The following TSPAN5 variants were observed in gnomAD, a reference collection of about 807,000 sequenced individuals.
TSPAN5 encodes tetraspanin-5.
In TSPAN5, 10 loss-of-function variants were observed where a neutral mutation model predicts 37.1. The ratio of observed to expected loss-of-function variants is 0.27; its 90% confidence interval spans 0.17 to 0.46. The LOEUF is 0.46. Ranked by LOEUF, TSPAN5 falls within the 20% of genes least tolerant of loss-of-function variation. The pLI, the probability that TSPAN5 is intolerant of heterozygous loss-of-function variation, is 1.00. For missense variants in TSPAN5, 195 were observed against 326.6 expected (o/e 0.60, Z 3.11); for synonymous variants, 110 against 118.9 (o/e 0.93, Z 0.48).
At chr4:98,506,257 T>C (rs1753475779) in intron 2 of TSPAN5, among the ~76,000 whole-genome samples, 1 of 152,136 alleles carries the variant, frequency 6.6e-6, no homozygotes, top group Non-Finnish European at 1.5e-5. Flanking sequence ...ACAATAGGCT[T>C]GAGGCAAAAG....
At chr4:98,486,149 T>A (rs1328591018) in intron 3 of TSPAN5, among the ~76,000 whole-genome samples, 2 of 152,196 alleles carry the variant, frequency 1.3e-5, no homozygotes, top group African/African-American at 4.8e-5. Flanking sequence ...TAAATACCAG[T>A]GAACCCCCTG....
rs531802738 is a variant in TSPAN5, at chr4:98,628,591, C to T, written c.81+29555G>A. Among the ~76,000 whole-genome samples, 252 of 152,278 alleles carry T rather than the reference C, an allele frequency of 1.7e-3. 1 individual carries two copies. In the Middle Eastern group the frequency reaches 0.034, roughly 21 times the overall value. The stretch of plus-strand genomic sequence containing the variant: ...ACACAGGTACAGATTCCTGGGTCAA[C>T]CAACAGCTAATGGAAACCAGCTCCC... On this transcript the variant is annotated intron_variant, in intron 1 of 7. Coordinates refer to ENST00000305798, the MANE Select transcript of TSPAN5 (RefSeq NM_005723.4).
intron 1 of TSPAN5, among the ~76,000 whole-genome samples, chr4:98,523,630 T>A (rs1753901627): frequency 6.6e-6 from 1 of 152,268 alleles, no homozygotes; most frequent in East Asian, 1.9e-4. Flanking sequence ...GAGACAAGGT[T>A]TCGCCATGTT....
intron 2 of TSPAN5, among the ~76,000 whole-genome samples, chr4:98,495,694 G>A (rs917484914): frequency 6.6e-6 from 1 of 151,848 alleles, no homozygotes; most frequent in Non-Finnish European, 1.5e-5. Context: ...AGGTTTCTAT[G>A]CACATGCAGA....
intron 1 of TSPAN5, among the ~76,000 whole-genome samples, chr4:98,531,626 T>C (rs566290476): frequency 6.6e-6 from 1 of 152,232 alleles, no homozygotes; most frequent in Non-Finnish European, 1.5e-5. Context: ...TCTAGATCCT[T>C]GAGGAATCGC....
chr4:98,630,416 G>A (rs533289192), intron 1 of TSPAN5, among the ~76,000 whole-genome samples: 15 of 152,168 alleles, frequency 9.9e-5, no homozygotes, highest in African/African-American at 2.2e-4. Context: ...ACCACTTCTC[G>A]TTTATGTGTG....
intron 1 of TSPAN5, among the ~76,000 whole-genome samples, chr4:98,591,369 GATAA>G (rs1334435940): frequency 3.2e-5 from 4 of 125,884 alleles, no homozygotes; most frequent in African/African-American, 1.3e-4. Flanking sequence ...TACCTGTTTA[GATAA>G]ATAAGACACT....
chr4:98,471,469 T>C lies in TSPAN5; in HGVS notation c.*1053A>G, dbSNP rs1752582609. On this transcript the variant is annotated 3_prime_UTR_variant, in exon 8 of 8. Transcript: ENST00000305798. ...CTCCCAAGGCTGTGAACCTAGGAAA[T>C]AAGTGCTGACCAAATAACATATTTC... 3 of 152,098 alleles carry C rather than the reference T, an allele frequency of 2.0e-5. No homozygotes were observed. The highest frequency in any genetic ancestry group is 2.0e-4 in the Admixed American group (3 of 15,260). The allele number at this position is 152,098 out of a possible 1,614,324, so 9.4% of individuals were successfully genotyped here. A position where few individuals can be genotyped will look rare whatever the true frequency, so the allele number is the denominator to read the frequency against.
chr4:98,628,406 T>C (rs903323447), intron 1 of TSPAN5, among the ~76,000 whole-genome samples: 11 of 152,338 alleles, frequency 7.2e-5, no homozygotes, highest in African/African-American at 2.6e-4. Flanking sequence ...GATTGACTCA[T>C]GTACCTCCCA....
intron 1 of TSPAN5, among the ~76,000 whole-genome samples, chr4:98,610,619 A>G (rs764917092): frequency 6.6e-6 from 1 of 152,212 alleles, no homozygotes; most frequent in African/African-American, 2.4e-5. Flanking sequence ...CTCAGCACGT[A>G]TCTGTCGAGT....
intron 1 of TSPAN5, among the ~76,000 whole-genome samples, chr4:98,562,807 G>A (rs752985839): frequency 5.9e-5 from 9 of 152,112 alleles, no homozygotes; most frequent in Admixed American, 3.3e-4. Flanking sequence ...AGACTAAGAC[G>A]ACTCCTAAAT....
chr4:98,629,179 A>G (rs1756685847), intron 1 of TSPAN5, among the ~76,000 whole-genome samples: 1 of 152,152 alleles, frequency 6.6e-6, no homozygotes, highest in Non-Finnish European at 1.5e-5. Flanking sequence ...AGAATGGATA[A>G]TTTGTCTATG....
chr4:98,476,531 A>G (rs1011476045), intron 5 of TSPAN5, 71 bp from the exon 6 acceptor site: 4 of 1,458,308 alleles, frequency 2.7e-6, no homozygotes, highest in African/African-American at 1.4e-5. Context: ...AATGAGCAGA[A>G]GACTTCTGTT....
At chr4:98,504,066 C>T (rs371805508) in intron 2 of TSPAN5, among the ~76,000 whole-genome samples, 28 of 152,322 alleles carry the variant, frequency 1.8e-4, no homozygotes, top group African/African-American at 6.7e-4. Flanking sequence ...AGGTTTAAAA[C>T]TCAGACTGAT....
At chr4:98,655,020 G>C (rs983143402) in intron 1 of TSPAN5, among the ~76,000 whole-genome samples, 1 of 152,060 alleles carries the variant, frequency 6.6e-6, no homozygotes, top group Non-Finnish European at 1.5e-5. Context: ...CTAGTTTTTT[G>C]TATTTCAGTA....
At chr4:98,650,955 G>A (rs1207531396) in intron 1 of TSPAN5, among the ~76,000 whole-genome samples, 1 of 152,094 alleles carries the variant, frequency 6.6e-6, no homozygotes, top group Admixed American at 6.5e-5. Flanking sequence ...AAAAAAGGAA[G>A]ACACTAAGTT....
chr4:98,567,073 G>C (rs6829383), intron 1 of TSPAN5, among the ~76,000 whole-genome samples: 2,278 of 152,292 alleles, frequency 0.015, 55 homozygotes, highest in African/African-American at 0.05. Context: ...TCTTGCAAAG[G>C]GGCACTCAAT....
chr4:98,478,042 C>T (rs752170792), intron 5 of TSPAN5, among the ~76,000 whole-genome samples: 7 of 152,116 alleles, frequency 4.6e-5, no homozygotes, highest in Non-Finnish European at 1.0e-4. Context: ...AAGTGAGTGA[C>T]TTACAAATAG....
rs751623430 is a variant in TSPAN5 at position 98,470,436 on chromosome 4, GATTA to G, written c.*2082_*2085del. 9 of 152,244 alleles carry G rather than the reference GATTA, an allele frequency of 5.9e-5. No homozygotes were observed. The highest frequency in any genetic ancestry group is 1.3e-4 in the Non-Finnish European group (9 of 68,046). The allele number at this position is 152,244 out of a possible 1,614,324, so 9.4% of individuals were successfully genotyped here. A position where few individuals can be genotyped will look rare whatever the true frequency, so the allele number is the denominator to read the frequency against. On this transcript the variant is annotated 3_prime_UTR_variant, in exon 8 of 8. Transcript: ENST00000305798. ...CTCTCAAGTGTAAAAAATAAAGGGTGATTAATTAATATTTAAAACTCACTCGGAC... is the reference window on the plus strand; with the variant it reads ...CTCTCAAGTGTAAAAAATAAAGGGTGATTAATATTTAAAACTCACTCGGAC...
Sources: gnomAD v4.1 joint callset for allele counts (sites outside exome capture counted in the v4.1 genomes callset) on GRCh38, gnomAD v4.1.1 for gene constraint, MANE v1.5 for transcripts, NCBI Gene and HGNC (gene_info 2026-07-23, HGNC 2026-07-21) for gene names.